CRACDL: variants seen among roughly 807,000 people sequenced by gnomAD.
The protein encoded by CRACDL is CRACD like.
In CRACDL, 26 loss-of-function variants were observed where a neutral mutation model predicts 70.6. That is an observed-to-expected ratio of 0.37 (90% CI 0.27 to 0.51). CRACDL has a LOEUF of 0.51. Ranked by LOEUF, CRACDL falls within the 20% of genes least tolerant of loss-of-function variation. The pLI is 0.94. For missense variants in CRACDL, 1,283 were observed against 1,376.9 expected, an observed-to-expected ratio of 0.93 and a Z score of 1.08; for synonymous variants, 618 against 615.2, an observed-to-expected ratio of 1.00 and a Z score of -0.07.
At chr2:98,859,017 C>T (rs144199987) in intron 1 of CRACDL, among the ~76,000 whole-genome samples, 98 of 152,146 alleles carry the variant, frequency 6.4e-4, no homozygotes, top group Non-Finnish European at 1.1e-3. Context: ...AAGAAGAATC[C>T]AGCTCCAAAT....
chr2:98,842,868 TTGTGTGTGTGTGTG>T (rs67398751), intron 2 of CRACDL, among the ~76,000 whole-genome samples: 7 of 145,070 alleles, frequency 4.8e-5, no homozygotes, highest in African/African-American at 1.8e-4. Context: ...TTGCTATAGT[TTGTGTGTGTGTGTG>T]TGTGTGTGTG....
intron 1 of CRACDL, chr2:98,897,396 C>T (rs1159547193): frequency 7.7e-7 from 1 of 1,303,674 alleles, no homozygotes; most frequent in Non-Finnish European, 1.0e-6. Flanking sequence ...TGCACGGACG[C>T]CAAAGAAATC....
chr2:98,883,114 G>A (rs939341654), intron 1 of CRACDL, among the ~76,000 whole-genome samples: 3 of 152,222 alleles, frequency 2.0e-5, no homozygotes, highest in Non-Finnish European at 4.4e-5. Flanking sequence ...GGTAGTGGCA[G>A]CAAGGTCCTT....
rs764549314 is a variant in CRACDL at position 98,827,145 on chromosome 2, C to T, written c.565G>A (p.Val189Met). The T allele has an allele frequency of 8.1e-6, 13 of 1,613,962 alleles. No individual in the cohort carries two copies. The highest frequency in any genetic ancestry group is 5.5e-5 in the South Asian group (5 of 91,086). The change falls in exon 6 of 10, where the codon GTG becomes ATG. Residue 189 changes from valine (V) to methionine (M), a missense_variant. Coordinates refer to ENST00000397899, the MANE Select transcript of CRACDL (RefSeq NM_207362.3). Reference sequence around the variant, plus strand: ...CGGGCAGAGACGGTGCTGTCGCTCACGTGGTCTGGAGACACGACAGAGACC... The same window carrying T: ...CGGGCAGAGACGGTGCTGTCGCTCATGTGGTCTGGAGACACGACAGAGACC... Reference protein sequence around the residue: ...IKVSVVSPDHVSDSTVSARIS... With the variant: ...IKVSVVSPDHMSDSTVSARIS...
intron 1 of CRACDL, among the ~76,000 whole-genome samples, chr2:98,914,893 A>C (rs1030957480): frequency 8.5e-5 from 13 of 152,198 alleles, no homozygotes; most frequent in African/African-American, 3.1e-4. Context: ...CTGAGAGAGA[A>C]GAAGGGGAAG....
In CRACDL at chr2:98,816,627, C is replaced by T. The variant is rs1476051932; in HGVS notation, c.2416+5230G>A. On this transcript the variant is annotated intron_variant, in intron 7 of 9. Transcript: ENST00000397899. ...AGAACTCCAGGAAACAGGTGGGAAT[C>T]TGTGATGTGTCTTGCACGAGGGGAA... 2.0e-5 allele frequency among the ~76,000 whole-genome samples: 3 copies of T among 152,118 alleles called. No homozygotes were observed. In the East Asian group the frequency reaches 5.8e-4, roughly 29 times the overall value.
chr2:98,818,081 A>G (rs1425418351), intron 7 of CRACDL, among the ~76,000 whole-genome samples: 2 of 152,126 alleles, frequency 1.3e-5, no homozygotes, highest in Admixed American at 1.3e-4. Context: ...ATGACCTGTA[A>G]TTTAGACTCT....
At chr2:98,843,495 C>T (rs1416978039) in intron 2 of CRACDL, among the ~76,000 whole-genome samples, 1 of 152,088 alleles carries the variant, frequency 6.6e-6, no homozygotes, top group Non-Finnish European at 1.5e-5. Flanking sequence ...TTCTGCTATG[C>T]TTTCTTTTAA....
At position 98,870,002 on chromosome 2, in the gene CRACDL, G is replaced by A. The variant is rs1707286754; in HGVS notation, c.-10-23192C>T. Among the ~76,000 whole-genome samples the A allele has an allele frequency of 2.6e-5, 4 of 152,230 alleles. 1 individual carries two copies. The highest frequency in any genetic ancestry group is 3.4e-3 in the Middle Eastern group (1 of 294). On this transcript the variant is annotated intron_variant, in intron 1 of 9. Coordinates refer to ENST00000397899, the MANE Select transcript of CRACDL (RefSeq NM_207362.3). ...AAAAATCACCCACTGAGCCTGCCCA[G>A]CCGGCTCCCCAGCCACCCCACGTGA...
At chr2:98,832,730 T>C in intron 4 of CRACDL, 132 bp downstream of exon 4, 3 of 1,222,970 alleles carry the variant, frequency 2.5e-6, no homozygotes, top group Non-Finnish European at 3.6e-6. Flanking sequence ...ATTTGGTGTG[T>C]CCTGGGGGAG....
intron 1 of CRACDL, among the ~76,000 whole-genome samples, chr2:98,888,132 G>GA: frequency 2.0e-5 from 3 of 152,152 alleles, no homozygotes; most frequent in Admixed American, 2.0e-4. Context: ...AAAAACCATA[G>GA]AGAAATTAGC....
At chr2:98,840,562 T>C (rs1705985807) in intron 2 of CRACDL, 1 of 152,186 alleles carries the variant, frequency 6.6e-6, no homozygotes, top group South Asian at 2.1e-4. Context: ...TTTAAAGCGT[T>C]TGTTTTATCA....
chr2:98,835,584 G>A (rs190712858), intron 3 of CRACDL, among the ~76,000 whole-genome samples: 18 of 152,004 alleles, frequency 1.2e-4, no homozygotes, highest in African/African-American at 4.1e-4. Context: ...TATATAAAAA[G>A]TAATGCATTC....
At chr2:98,806,032 G>C (rs1704277048) in intron 7 of CRACDL, among the ~76,000 whole-genome samples, 1 of 152,250 alleles carries the variant, frequency 6.6e-6, no homozygotes, top group Admixed American at 6.5e-5. Flanking sequence ...TGAAAAGGCT[G>C]AGGGAGACAG....
chr2:98,811,445 G>C (rs1470284312), intron 7 of CRACDL, among the ~76,000 whole-genome samples: 2 of 149,684 alleles, frequency 1.3e-5, no homozygotes, highest in African/African-American at 4.9e-5. Context: ...GGGAGGCGGA[G>C]GCTGCAGCGA....
rs550492917 is a variant in CRACDL, at chr2:98,921,546, C to T, written c.-11+14392G>A. On this transcript the variant is annotated intron_variant, in intron 1 of 9. Transcript: ENST00000397899. ...CAGTCAAAAATGTAAGTCTCATCCC[C>T]GAGTGACCAGGCTGGGCCTAGGACC... Among the ~76,000 whole-genome samples, 16 of 152,344 alleles carry T rather than the reference C, an allele frequency of 1.1e-4. 1 individual carries two copies. In the South Asian group the frequency reaches 2.7e-3, roughly 26 times the overall value.
chr2:98,852,861 A>G (rs1015539439), intron 1 of CRACDL, among the ~76,000 whole-genome samples: 3 of 151,424 alleles, frequency 2.0e-5, no homozygotes, highest in African/African-American at 7.3e-5. Flanking sequence ...GATTGGTCTA[A>G]CATATATTTA....
chr2:98,810,970 T>TAA (rs71386057), intron 7 of CRACDL, among the ~76,000 whole-genome samples: 2 of 131,694 alleles, frequency 1.5e-5, no homozygotes, highest in East Asian at 2.2e-4. Flanking sequence ...CACTCTGATA[T>TAA]AAAAAAAAAA....
At chr2:98,892,378 T>C (rs1000186914) in intron 1 of CRACDL, among the ~76,000 whole-genome samples, 24 of 152,038 alleles carry the variant, frequency 1.6e-4, no homozygotes, top group African/African-American at 5.8e-4. Flanking sequence ...CTATAAAATA[T>C]ATTGTAAATT....
Sources: gnomAD v4.1 joint callset for allele counts (sites outside exome capture counted in the v4.1 genomes callset) on GRCh38, gnomAD v4.1.1 for gene constraint, MANE v1.5 for transcripts, NCBI Gene and HGNC (gene_info 2026-07-23, HGNC 2026-07-21) for gene names.